EPCAM: variants seen among roughly 807,000 people sequenced by gnomAD.
EPCAM encodes the protein epithelial cell adhesion molecule, also known as adenocarcinoma-associated antigen.
Under a neutral mutation model 40.0 loss-of-function variants are expected in EPCAM, and 39 were observed. That is an observed-to-expected ratio of 0.98 (90% CI 0.76 to 1.27). The LOEUF (loss-of-function observed/expected upper bound fraction) is 1.27, where lower values mean the gene tolerates loss of function less well. Among genes scored for constraint, EPCAM ranks in the 50% most tolerant of loss-of-function variants. EPCAM has a pLI of 0.00. For missense variants in EPCAM, 503 were observed against 381.2 expected, an observed-to-expected ratio of 1.32 and a Z score of -2.66; for synonymous variants, 168 against 132.3, an observed-to-expected ratio of 1.27 and a Z score of -1.85.
intron 5 of EPCAM, among the ~76,000 whole-genome samples, chr2:47,377,517 G>A (rs1671459102): frequency 6.6e-6 from 1 of 151,950 alleles, no homozygotes; most frequent in Non-Finnish European, 1.5e-5. Flanking sequence ...GATTACAGGT[G>A]TGAGCCACCA....
intron 1 of EPCAM, among the ~76,000 whole-genome samples, chr2:47,371,474 C>G (rs1047324154): frequency 6.6e-6 from 1 of 152,156 alleles, no homozygotes; most frequent in Non-Finnish European, 1.5e-5. Flanking sequence ...TGGCGTTTGC[C>G]AAAGGTCTCT....
At chr2:47,381,896 A>G (rs796968883) in intron 7 of EPCAM, among the ~76,000 whole-genome samples, 7 of 152,294 alleles carry the variant, frequency 4.6e-5, no homozygotes, top group African/African-American at 1.7e-4. Flanking sequence ...CCTCCCAAGT[A>G]GCAAGGACTA....
intron 5 of EPCAM, chr2:47,377,571 G>A: frequency 4.0e-6 from 1 of 249,826 alleles, no homozygotes; most frequent in Non-Finnish European, 8.1e-6. Flanking sequence ...TCCTTCCATA[G>A]CCTTTGAAAA....
At chr2:47,380,967 T>C (rs1671572261) in intron 7 of EPCAM, among the ~76,000 whole-genome samples, 1 of 150,900 alleles carries the variant, frequency 6.6e-6, no homozygotes, top group Admixed American at 6.6e-5. Context: ...GGCACATGCC[T>C]GTAATCTATT....
In EPCAM at chr2:47,369,331, C is replaced by T; in HGVS notation, c.-175C>T. 2 of 1,308,336 alleles carry T rather than the reference C, an allele frequency of 1.5e-6. No homozygotes were observed. The highest frequency in any genetic ancestry group is 2.0e-6 in the Non-Finnish European group (2 of 1,002,436). 81.0% of individuals were successfully genotyped at this position (1,308,336 alleles called of 1,614,324 possible). On this transcript the variant is annotated 5_prime_UTR_variant, in exon 1 of 9. Coordinates refer to ENST00000263735, the MANE Select transcript of EPCAM (RefSeq NM_002354.3). ...CGCGCACAGAGCGCTAGTCCTTCGG[C>T]GAGCGAGCACCTTCGACGCGGTCCG...
chr2:47,380,095 C>T (rs941011969), intron 7 of EPCAM, 126 bp downstream of exon 7: 2 of 1,474,950 alleles, frequency 1.4e-6, no homozygotes, highest in Non-Finnish European at 1.8e-6. Context: ...ACAGGTGGAT[C>T]ACTTGAGCCC....
intron 7 of EPCAM, among the ~76,000 whole-genome samples, chr2:47,382,393 A>G (rs1179974507): frequency 4.6e-5 from 7 of 152,234 alleles, no homozygotes; most frequent in Admixed American, 2.0e-4. Context: ...CATTGCTTGT[A>G]AAGGTGAATC....
At position 47,386,654 on chromosome 2, in the gene EPCAM, T is replaced by A. The variant is rs200991028; in HGVS notation, c.*41T>A. On this transcript the variant is annotated 3_prime_UTR_variant, in exon 9 of 9. Transcript: ENST00000263735. ...ATTATAGAAGAAGGGAAATAGCAAATGGACACAAATTACAAATGTGTGTGC... is the reference window on the plus strand; with the variant it reads ...ATTATAGAAGAAGGGAAATAGCAAAAGGACACAAATTACAAATGTGTGTGC... The A allele has an allele frequency of 1.4e-6, 2 of 1,470,104 alleles. No individual in the cohort carries two copies. The highest frequency in any genetic ancestry group is 1.9e-6 in the Non-Finnish European group (2 of 1,050,440). 91.1% of individuals were successfully genotyped at this position (1,470,104 alleles called of 1,614,324 possible).
intron 5 of EPCAM, chr2:47,377,554 G>T: frequency 4.1e-6 from 1 of 241,896 alleles, no homozygotes; most frequent in East Asian, 1.2e-4. Flanking sequence ...TTTGGTTATC[G>T]TTGTTTTCCT....
In EPCAM at chr2:47,369,539, C is replaced by G. The variant is rs746990000; in HGVS notation, c.34C>G (p.Leu12Val). ...APPQVLAFGLLLAAATATFAA... is the reference protein window; with the variant it reads ...APPQVLAFGLVLAAATATFAA... ...CCCGCAGGTCCTCGCGTTCGGGCTT[C>G]TGCTTGCCGCGGCGACGGCGACTTT... is the stretch of plus-strand genomic sequence containing the variant. Residue 12 changes from leucine to valine, a missense_variant, in exon 1 of 9, where the codon CTG becomes GTG. Coordinates refer to ENST00000263735, the MANE Select transcript of EPCAM (RefSeq NM_002354.3). The G allele has an allele frequency of 2.2e-5, 35 of 1,583,054 alleles. No homozygotes were observed. The highest frequency in any genetic ancestry group is 2.9e-5 in the Non-Finnish European group (34 of 1,169,316).
rs141751351 is a variant in EPCAM at position 47,373,489 on chromosome 2, G to A, written c.103G>A (p.Ala35Thr). 2.0e-5 allele frequency: 33 copies of A among 1,612,924 alleles called. No homozygotes were observed. The African/African-American group carries it at 4.1e-4, about 20-fold the overall frequency. The stretch of plus-strand genomic sequence containing the variant: ...ATGTGTCTGTGAAAACTACAAGCTG[G>A]CCGTAAACTGCTTTGTGAATAATAA... ...EECVCENYKL[A>T]VNCFVNNNRQ... The change falls in exon 2 of 9, where the codon GCC becomes ACC. Residue 35 changes from alanine to threonine, a missense_variant. Transcript: ENST00000263735.
Position 47,369,386 on chromosome 2 carries a change from C to A in EPCAM, c.-120C>A. 1.7e-6 allele frequency: 2 copies of A among 1,197,052 alleles called. No homozygotes were observed. Among genetic ancestry groups the A allele is most frequent in the Non-Finnish European group, 2.2e-6 (2 of 918,280 alleles). 74.2% of individuals were successfully genotyped at this position (1,197,052 alleles called of 1,614,324 possible). ...CCCCCTCGTCGCTGTCCTCCCGACG[C>A]GGACCCGCGTGCCCCAGGCCTCGCG... On this transcript the variant is annotated 5_prime_UTR_variant, in exon 1 of 9. Coordinates refer to ENST00000263735, the MANE Select transcript of EPCAM (RefSeq NM_002354.3).
chr2:47,369,400 C>G lies in EPCAM; in HGVS notation c.-106C>G. On this transcript the variant is annotated 5_prime_UTR_variant, in exon 1 of 9. Transcript: ENST00000263735. Reference sequence around the variant, plus strand: ...TCCTCCCGACGCGGACCCGCGTGCCCCAGGCCTCGCGCTGCCCGGCCGGCT... The same window carrying G: ...TCCTCCCGACGCGGACCCGCGTGCCGCAGGCCTCGCGCTGCCCGGCCGGCT... The G allele has an allele frequency of 3.3e-6, 4 of 1,229,054 alleles. No individual in the cohort carries two copies. Among genetic ancestry groups the G allele is most frequent in the Non-Finnish European group, 4.2e-6 (4 of 945,250 alleles). 76.1% of individuals were successfully genotyped at this position (1,229,054 alleles called of 1,614,324 possible).
chr2:47,384,618 A>G (rs922368154), intron 7 of EPCAM, among the ~76,000 whole-genome samples: 1 of 151,428 alleles, frequency 6.6e-6, no homozygotes, highest in Non-Finnish European at 1.5e-5. Context: ...GGGTTTCATC[A>G]TGTTGGCCAG....
intron 7 of EPCAM, among the ~76,000 whole-genome samples, chr2:47,382,020 A>T (rs557740365): frequency 1.1e-3 from 167 of 152,322 alleles, no homozygotes; most frequent in Non-Finnish European, 2.0e-3. Flanking sequence ...CTTTTGGCTT[A>T]GCCTCCCAAA....
At chr2:47,385,293 TTTC>T in intron 8 of EPCAM, 83 bp downstream of exon 8, 2 of 1,121,186 alleles carry the variant, frequency 1.8e-6, no homozygotes, top group Non-Finnish European at 2.7e-6. Context: ...CACTGATGCA[TTTC>T]AGTTATACTG....
In EPCAM at chr2:47,379,955, G is replaced by A; in HGVS notation, c.844G>A (p.Gly282Arg). ...IVVVVIAVVA[G>R]IVVLVISRKK... ...GGTTGTGGTGATAGCAGTTGTTGCT[G>A]GAATTGTTGTGCTGGTGAGTACAGA... Residue 282 changes from glycine (G) to arginine (R), a missense_variant, in exon 7 of 9, where the codon GGA becomes AGA. By Grantham distance (125) the Gly-to-Arg change is moderately radical (BLOSUM62 -2). Transcript: ENST00000263735. 3 of 1,612,226 alleles carry A rather than the reference G, an allele frequency of 1.9e-6. No homozygotes were observed. The highest frequency in any genetic ancestry group is 2.5e-6 in the Non-Finnish European group (3 of 1,178,988).
chr2:47,374,071 C>T (rs1671359123), intron 3 of EPCAM, 23 bp downstream of exon 3: 3 of 1,613,264 alleles, frequency 1.9e-6, no homozygotes, highest in Admixed American at 3.3e-5. Flanking sequence ...GCCTATACTA[C>T]TTGTTTTCAT....
intron 4 of EPCAM, 116 bp from the exon 5 acceptor site, chr2:47,376,898 A>C: frequency 2.9e-6 from 2 of 697,086 alleles, no homozygotes; most frequent in Non-Finnish European, 2.5e-6. Flanking sequence ...AATGGCAGAA[A>C]AATTTTAACT....
Sources: allele counts gnomAD v4.1 joint callset (sites outside exome capture counted in the v4.1 genomes callset), GRCh38; gene constraint gnomAD v4.1.1; transcripts MANE v1.5; gene names NCBI Gene and HGNC (gene_info 2026-07-23, HGNC 2026-07-21).